The following PHYHD1 variants were observed in gnomAD, a reference collection of about 807,000 sequenced individuals.
PHYHD1 encodes phytanoyl-CoA dioxygenase domain containing 1.
In PHYHD1, 42 loss-of-function variants were observed where a neutral mutation model predicts 43.6. The observed-to-expected ratio is 0.96, with a 90% CI of 0.75 to 1.25. PHYHD1 has a LOEUF of 1.25. PHYHD1 is among the 50% of genes most tolerant of loss of function. The pLI, the probability that PHYHD1 is intolerant of heterozygous loss-of-function variation, is 0.00. For synonymous variants in PHYHD1, 139 were observed against 143.6 expected, an observed-to-expected ratio of 0.97 and a Z score of 0.23; for missense variants, 342 against 370.8, an observed-to-expected ratio of 0.92 and a Z score of 0.64.
chr9:128,932,184 A>T (rs60801818), intron 4 of PHYHD1, among the ~76,000 whole-genome samples: 53,077 of 106,338 alleles, frequency 0.5, 14,063 homozygotes, highest in African/African-American at 0.64. Context: ...TATTATTATT[A>T]TTTTTTTTTT....
chr9:128,922,592 C>G (rs920633695), intron 3 of PHYHD1, among the ~76,000 whole-genome samples: 10 of 152,166 alleles, frequency 6.6e-5, no homozygotes, highest in African/African-American at 2.2e-4. Flanking sequence ...TGACCAAAAA[C>G]GAGAATAAGG....
intron 10 of PHYHD1, 49 bp downstream of exon 10, chr9:128,940,546 G>A (rs1564543534): frequency 1.2e-6 from 2 of 1,613,932 alleles, no homozygotes; most frequent in East Asian, 2.2e-5. Flanking sequence ...CACCCCCTAG[G>A]GAGAGGGACC....
At chr9:128,928,257 G>A (rs1202493567) in intron 4 of PHYHD1, among the ~76,000 whole-genome samples, 5 of 152,182 alleles carry the variant, frequency 3.3e-5, no homozygotes, top group South Asian at 2.1e-4. Context: ...CCTTCCATTC[G>A]GGGGGATACT....
At position 128,922,339 on chromosome 9, in the gene PHYHD1, C is replaced by T. The variant is rs566037914; in HGVS notation, c.16C>T (p.Pro6Ser). The T allele has an allele frequency of 2.6e-6, 4 of 1,550,546 alleles. No individual in the cohort carries two copies. In the East Asian group the frequency reaches 9.8e-5, roughly 38 times the overall value. MACLS[P>S]SQLQKFQQDG... is the part of the protein sequence containing the mutation. Reference sequence around the variant, plus strand: ...GAGCGTCTCCATGGCCTGCCTGAGCCCCTCGCAGCTCCAGAAGGTAGGAGC... The same window carrying T: ...GAGCGTCTCCATGGCCTGCCTGAGCTCCTCGCAGCTCCAGAAGGTAGGAGC... Residue 6 changes from proline (P) to serine (S), a missense_variant, in exon 3 of 13, where the codon CCC becomes TCC. Pro to Ser is a moderately conservative substitution (Grantham distance 74). Transcript: ENST00000372592.
intron 6 of PHYHD1, among the ~76,000 whole-genome samples, chr9:128,935,005 T>G (rs1841390821): frequency 6.6e-6 from 1 of 152,114 alleles, no homozygotes; most frequent in African/African-American, 2.4e-5. Context: ...AGAGCCACCC[T>G]AAGGGGCACC....
At chr9:128,938,188 G>T (rs1176746941) in intron 9 of PHYHD1, among the ~76,000 whole-genome samples, 1 of 152,082 alleles carries the variant, frequency 6.6e-6, no homozygotes, top group Non-Finnish European at 1.5e-5. Flanking sequence ...CACACCCGTA[G>T]TCCTAGCTAC....
rs1840997562 is a variant in PHYHD1, at chr9:128,921,488, CGG to C, written c.-337_-336del. 6.6e-6 allele frequency: 1 copy of C among 152,266 alleles called. No homozygotes were observed. Among genetic ancestry groups the C allele is most frequent in the Admixed American group, 6.5e-5 (1 of 15,288 alleles). The allele number at this position is 152,266 out of a possible 1,614,324, so 9.4% of individuals were successfully genotyped here. On this transcript the variant is annotated 5_prime_UTR_variant, in exon 1 of 13. Coordinates refer to ENST00000372592, the MANE Select transcript of PHYHD1 (RefSeq NM_001100876.2). ...TAATTTTTTGTATTTTTAGTAGAGACGGGGTTTCACCGTGTTAGCCAGGATGG... is the reference window on the plus strand; with the variant it reads ...TAATTTTTTGTATTTTTAGTAGAGACGGTTTCACCGTGTTAGCCAGGATGG...
At chr9:128,924,700 C>T (rs542849735) in intron 3 of PHYHD1, among the ~76,000 whole-genome samples, 4 of 151,828 alleles carry the variant, frequency 2.6e-5, no homozygotes, top group South Asian at 4.2e-4. Flanking sequence ...TTTGGGAGTC[C>T]GAAGTGAGTG....
At position 128,940,456 on chromosome 9, in the gene PHYHD1, T is replaced by C; in HGVS notation, c.545T>C (p.Leu182Pro). The C allele has an allele frequency of 1.2e-6, 2 of 1,614,160 alleles. No homozygotes were observed. Among genetic ancestry groups the C allele is most frequent in the South Asian group, 2.2e-5 (2 of 91,084 alleles). ...TGGATCGCAGTGGAGGATGCCACGC[T>C]GGAGAACGGCTGTCTCTGGTTCATC... ...GVWIAVEDATLENGCLWFIPG... is the reference protein window; with the variant it reads ...GVWIAVEDATPENGCLWFIPG... Residue 182 changes from leucine (L) to proline (P), a missense_variant, in exon 10 of 13, where the codon CTG becomes CCG. Physicochemically the swap from Leu to Pro is moderately conservative, Grantham distance 98. Coordinates refer to ENST00000372592, the MANE Select transcript of PHYHD1 (RefSeq NM_001100876.2).
rs574612593 is a variant in PHYHD1, at chr9:128,940,703, C to G, written c.691C>G (p.Pro231Ala). 6.2e-7 allele frequency: 1 copy of G among 1,613,368 alleles called. No individual in the cohort carries two copies. Among genetic ancestry groups the G allele is most frequent in the African/African-American group, 1.3e-5 (1 of 75,012 alleles). ...GGATAACAGCCTCTTTGTGCCCACCCCAGTGCAGAGAGGTAGGCAGATGCA... is the reference window on the plus strand; with the variant it reads ...GGATAACAGCCTCTTTGTGCCCACCGCAGTGCAGAGAGGTAGGCAGATGCA... Reference protein sequence around the residue: ...ARDNSLFVPTPVQRGALVLIH... With the variant: ...ARDNSLFVPTAVQRGALVLIH... The change falls in exon 11 of 13, where the codon CCA becomes GCA. Residue 231 changes from proline to alanine, a missense_variant. Pro to Ala is a conservative substitution (Grantham distance 27, BLOSUM62 -1). Transcript: ENST00000372592.
At chr9:128,937,899 C>T (rs1434182380) in intron 9 of PHYHD1, 121 bp downstream of exon 9, 23 of 1,559,824 alleles carry the variant, frequency 1.5e-5, no homozygotes, top group African/African-American at 2.7e-5. Flanking sequence ...GAGCCTGGCC[C>T]GGAGAGGAGG....
Position 128,939,395 on chromosome 9 carries a change from A to T in PHYHD1, c.458-974A>T, listed in dbSNP as rs192185797. Reference sequence around the variant, plus strand: ...GGAGTTTGAGACCAGCCTGGCTAACATGGTGAAACCCCATCTCTACTAAAA... The same window carrying T: ...GGAGTTTGAGACCAGCCTGGCTAACTTGGTGAAACCCCATCTCTACTAAAA... On this transcript the variant is annotated intron_variant, in intron 9 of 12. Coordinates refer to ENST00000372592, the MANE Select transcript of PHYHD1 (RefSeq NM_001100876.2). 7.2e-5 allele frequency among the ~76,000 whole-genome samples: 9 copies of T among 125,438 alleles called. 3 individuals are homozygous for T. The highest frequency in any genetic ancestry group is 1.8e-4 in the Admixed American group (2 of 10,930). The allele number at this position is 125,438 out of a possible 152,430, so 82.3% of individuals were successfully genotyped here.
rs771916162 is a variant in PHYHD1 at position 128,940,603 on chromosome 9, T to C, written c.591T>C (p.Gly197=). 5 of 1,614,002 alleles carry C rather than the reference T, an allele frequency of 3.1e-6. No individual in the cohort carries two copies. In the East Asian group the frequency reaches 1.1e-4, roughly 36 times the overall value. ...GCTCTCCATCTTGGCCTGCAGGTGGTGTGTCAAGAAGGATGGTCCGGGCCC... is the reference window on the plus strand; with the variant it reads ...GCTCTCCATCTTGGCCTGCAGGTGGCGTGTCAAGAAGGATGGTCCGGGCCC... The part of the protein sequence containing the change: ...LWFIPGSHTS[G]VSRRMVRAPV... Residue 197 remains glycine (G), a synonymous_variant, in exon 11 of 13, where the codon GGT becomes GGC. Transcript: ENST00000372592.
At chr9:128,922,579 GTT>G (rs1841026788) in intron 3 of PHYHD1, among the ~76,000 whole-genome samples, 1 of 152,202 alleles carries the variant, frequency 6.6e-6, no homozygotes, top group Admixed American at 6.5e-5. Flanking sequence ...GGACGTGTGT[GTT>G]TGACCAAAAA....
intron 6 of PHYHD1, 135 bp from the exon 7 acceptor site, chr9:128,936,313 G>A: frequency 8.0e-7 from 1 of 1,245,524 alleles, no homozygotes; most frequent in Non-Finnish European, 1.1e-6. Context: ...TTACTCAGTT[G>A]TAAACAAGCA....
At chr9:128,933,684 T>C in intron 4 of PHYHD1, 98 bp from the exon 5 acceptor site, 1 of 1,311,088 alleles carries the variant, frequency 7.6e-7, no homozygotes, top group Non-Finnish European at 1.1e-6. Flanking sequence ...TCTGTAACCC[T>C]GTGAGGGTGG....
intron 3 of PHYHD1, chr9:128,926,793 C>T (rs1025677838): frequency 6.9e-6 from 4 of 577,754 alleles, no homozygotes; most frequent in Non-Finnish European, 1.3e-5. Flanking sequence ...TATTGCCCGC[C>T]TCAGCCTCTC....
At chr9:128,924,728 A>G (rs1019834695) in intron 3 of PHYHD1, among the ~76,000 whole-genome samples, 2 of 151,948 alleles carry the variant, frequency 1.3e-5, no homozygotes, top group African/African-American at 4.8e-5. Context: ...TGAGGTCAGG[A>G]GTTCGAGACC....
intron 4 of PHYHD1, among the ~76,000 whole-genome samples, chr9:128,929,537 G>A (rs998249331): frequency 1.3e-5 from 2 of 151,978 alleles, no homozygotes; most frequent in Admixed American, 1.3e-4. Context: ...GCTGGGCATG[G>A]TGGCAGGCGC....
Sources: allele counts gnomAD v4.1 joint callset (sites outside exome capture counted in the v4.1 genomes callset), GRCh38; gene constraint gnomAD v4.1.1; transcripts MANE v1.5; gene names NCBI Gene and HGNC (gene_info 2026-07-23, HGNC 2026-07-21).